Variants in PCDHA6 observed in about 807,000 individuals in gnomAD.
PCDHA6 encodes protocadherin alpha 6.
In PCDHA6, 55 loss-of-function variants were observed where a neutral mutation model predicts 60.3. The ratio of observed to expected loss-of-function variants is 0.91; its 90% CI spans 0.73 to 1.14. The LOEUF is 1.14. Among genes scored for constraint, PCDHA6 ranks in the 50% most tolerant of loss-of-function variants. PCDHA6 has a pLI of 0.00. For synonymous variants in PCDHA6, 652 were observed against 557.9 expected (o/e 1.17, Z -2.38); for missense variants, 1,327 against 1,256.5 (o/e 1.06, Z -0.85).
rs1180805331 is a variant in PCDHA6 at position 140,853,371 on chromosome 5, G to C, written c.2394+22886G>C. On this transcript the variant is annotated intron_variant, in intron 1 of 3. Coordinates refer to ENST00000529310, the MANE Select transcript of PCDHA6 (RefSeq NM_018909.4). ...ATGAACTCACAGGGATCCAGAGATGGTAAAATTCAAAACAGCCTGTCAAGT... is the reference window on the plus strand; with the variant it reads ...ATGAACTCACAGGGATCCAGAGATGCTAAAATTCAAAACAGCCTGTCAAGT... 3.0e-6 allele frequency: 3 copies of C among 983,910 alleles called. No homozygotes were observed. In the African/African-American group the frequency reaches 5.3e-5, roughly 17 times the overall value. The allele number at this position is 983,910 out of a possible 1,614,324, so 60.9% of individuals were successfully genotyped here.
chr5:140,838,098 G>T (rs1775538367), intron 1 of PCDHA6, among the ~76,000 whole-genome samples: 1 of 147,360 alleles, frequency 6.8e-6, no homozygotes, highest in African/African-American at 2.6e-5. Flanking sequence ...GTGTGTGTGT[G>T]TGTGTGTGTG....
chr5:140,881,180 T>G (rs1054668567), intron 1 of PCDHA6: 1 of 167,342 alleles, frequency 6.0e-6, no homozygotes, highest in East Asian at 1.9e-4. Flanking sequence ...TTTTCCTTGC[T>G]AAAGATATGT....
chr5:140,979,870 A>G (rs376036380), intron 2 of PCDHA6, among the ~76,000 whole-genome samples: 2 of 152,388 alleles, frequency 1.3e-5, no homozygotes, highest in South Asian at 2.1e-4. Context: ...TATCTGGGCA[A>G]CTATCAAGTG....
At chr5:140,876,815 T>A in intron 1 of PCDHA6, 2 of 1,614,148 alleles carry the variant, frequency 1.2e-6, no homozygotes, top group Non-Finnish European at 1.7e-6. Flanking sequence ...GTGGCCGACG[T>A]GAACGACAAT....
rs142005953 is a variant in PCDHA6, at chr5:140,843,471, T to C, written c.2394+12986T>C. 21 of 1,595,832 alleles carry C rather than the reference T, an allele frequency of 1.3e-5. 2 individuals are homozygous for C. In the African/African-American group the frequency reaches 1.7e-4, roughly 13 times the overall value. On this transcript the variant is annotated intron_variant, in intron 1 of 3. Coordinates refer to ENST00000529310, the MANE Select transcript of PCDHA6 (RefSeq NM_018909.4). ...AGCCTGCTGGTGCTCACGCTGCTGC[T>C]GTACACTGCGCTGCGGTGCTCAGCA...
intron 1 of PCDHA6, among the ~76,000 whole-genome samples, chr5:140,975,393 C>G (rs2096665585): frequency 6.6e-6 from 1 of 152,256 alleles, no homozygotes. Flanking sequence ...TAAGATCCAT[C>G]ACAATCACAG....
rs1359439804 is a variant in PCDHA6 at position 140,846,369 on chromosome 5, CTTTCTTTTTT to C, written c.2394+15888_2394+15897del. ...TTCTCTTTTTTCTTTTCTTTTCTTTCTTTCTTTTTTTTTTTTTTTTTTTGAGACGGAGTCT... is the reference window on the plus strand; with the variant it reads ...TTCTCTTTTTTCTTTTCTTTTCTTTCTTTTTTTTTTTTTGAGACGGAGTCT... On this transcript the variant is annotated intron_variant, in intron 1 of 3. Coordinates refer to ENST00000529310, the MANE Select transcript of PCDHA6 (RefSeq NM_018909.4). 7.0e-4 allele frequency among the ~76,000 whole-genome samples: 72 copies of C among 102,178 alleles called. 4 individuals are homozygous for C. The highest frequency in any genetic ancestry group is 2.6e-3 in the African/African-American group (68 of 26,232). The allele number at this position is 102,178 out of a possible 152,430, so 67.0% of individuals were successfully genotyped here.
intron 1 of PCDHA6, among the ~76,000 whole-genome samples, chr5:140,889,433 G>A (rs994872798): frequency 8.6e-5 from 13 of 151,828 alleles, no homozygotes; most frequent in Non-Finnish European, 1.9e-4. Context: ...TATTTTTTCA[G>A]GTATTTTCCT....
chr5:140,850,415 G>T, intron 1 of PCDHA6: 1 of 1,597,962 alleles, frequency 6.3e-7, no homozygotes, highest in Non-Finnish European at 8.6e-7. Context: ...TGGACGAAAC[G>T]GACGCACCGC....
chr5:140,966,651 C>A, intron 1 of PCDHA6: 1 of 1,159,980 alleles, frequency 8.6e-7, no homozygotes, highest in Non-Finnish European at 1.1e-6. Flanking sequence ...AGAGCGTGAG[C>A]GGTGGGGGAG....
intron 1 of PCDHA6, among the ~76,000 whole-genome samples, chr5:140,880,402 G>A (rs1014801012): frequency 3.9e-5 from 6 of 152,182 alleles, no homozygotes; most frequent in Non-Finnish European, 8.8e-5. Context: ...AGAGCATATG[G>A]TTGACCTTAA....
intron 1 of PCDHA6, chr5:140,884,644 C>T (rs1554181804): frequency 6.2e-7 from 1 of 1,608,094 alleles, no homozygotes; most frequent in South Asian, 1.1e-5. Flanking sequence ...GGGAGGAGGA[C>T]TCAGAATGCT....
chr5:140,829,995 G>A lies in PCDHA6; in HGVS notation c.1904G>A (p.Arg635His). The A allele has an allele frequency of 3.7e-6, 6 of 1,613,982 alleles. No individual in the cohort carries two copies. The highest frequency in any genetic ancestry group is 3.4e-6 in the Non-Finnish European group (4 of 1,179,930). The change falls in exon 1 of 4, where the codon CGT becomes CAT. Residue 635 changes from arginine (R) to histidine (H), a missense_variant. Transcript: ENST00000529310. ...TACACGGGCGAGATCAGCACCACTCGTGTCCTGGACGAAGCGGACTCTCCG... is the reference window on the plus strand; with the variant it reads ...TACACGGGCGAGATCAGCACCACTCATGTCCTGGACGAAGCGGACTCTCCG... Reference protein sequence around the residue: ...GLYTGEISTTRVLDEADSPRH... With the variant: ...GLYTGEISTTHVLDEADSPRH...
intron 1 of PCDHA6, chr5:140,852,586 T>TA (rs1469930347): frequency 1.0e-5 from 9 of 878,452 alleles, no homozygotes; most frequent in Non-Finnish European, 1.1e-5. Flanking sequence ...TTTTTTATTT[T>TA]TTTTTTTTGT....
At chr5:140,860,434 C>A (rs1562553401) in intron 1 of PCDHA6, 1 of 152,038 alleles carries the variant, frequency 6.6e-6, no homozygotes, top group Non-Finnish European at 1.5e-5. Context: ...CAAATATGAT[C>A]TTTTTCATAT....
intron 1 of PCDHA6, chr5:140,855,998 G>T: frequency 6.6e-7 from 1 of 1,511,404 alleles, no homozygotes; most frequent in Non-Finnish European, 8.9e-7. Flanking sequence ...CAGATCGTAT[G>T]TGCGTTCTAG....
intron 1 of PCDHA6, chr5:140,853,507 A>G (rs762597106): frequency 6.1e-6 from 6 of 977,198 alleles, no homozygotes; most frequent in South Asian, 4.8e-5. Context: ...TCATGAAACA[A>G]TAATGAAGCT....
At chr5:140,975,938 T>C (rs2096690603) in intron 1 of PCDHA6, among the ~76,000 whole-genome samples, 1 of 152,160 alleles carries the variant, frequency 6.6e-6, no homozygotes, top group Admixed American at 6.5e-5. Context: ...TTTGAAGCAA[T>C]AGGACATATT....
intron 1 of PCDHA6, among the ~76,000 whole-genome samples, chr5:140,845,288 C>A (rs1304336704): frequency 6.7e-6 from 1 of 149,098 alleles, no homozygotes; most frequent in Non-Finnish European, 1.5e-5. Flanking sequence ...ATTTCCTATC[C>A]TGTCTATGTC....
Sources: gnomAD v4.1 joint callset for allele counts (sites outside exome capture counted in the v4.1 genomes callset) on GRCh38, gnomAD v4.1.1 for gene constraint, MANE v1.5 for transcripts, NCBI Gene and HGNC (gene_info 2026-07-23, HGNC 2026-07-21) for gene names.